TLE6: variants seen among roughly 807,000 people sequenced by gnomAD.
TLE6 encodes transducin-like enhancer protein 6.
In TLE6, 72 loss-of-function variants were observed where a neutral mutation model predicts 77.1. The observed-to-expected ratio is 0.93, with a 90% CI of 0.77 to 1.14. TLE6 has a LOEUF of 1.14. Among genes scored for constraint, TLE6 ranks in the 50% most tolerant of loss-of-function variants. The pLI, the probability that TLE6 is intolerant of heterozygous loss-of-function variation, is 0.00. For missense variants in TLE6, 843 were observed against 747.6 expected, an observed-to-expected ratio of 1.13 and a Z score of -1.49; for synonymous variants, 366 against 287.3, an observed-to-expected ratio of 1.27 and a Z score of -2.77.
At chr19:2,992,880 CAG>C (rs2089109831) in intron 14 of TLE6, among the ~76,000 whole-genome samples, 1 of 145,008 alleles carries the variant, frequency 6.9e-6, no homozygotes, top group African/African-American at 2.6e-5. Flanking sequence ...GCTCCAAACA[CAG>C]AGATCATTAG....
chr19:2,991,805 T>G (rs375768378), intron 13 of TLE6, 38 bp from the exon 14 acceptor site: 7 of 1,609,630 alleles, frequency 4.3e-6, no homozygotes, highest in Non-Finnish European at 5.9e-6. Flanking sequence ...AACCTCAGAG[T>G]CTTGACCTGA....
rs1555687653 is a variant in TLE6, at chr19:2,995,062, C to CG, written c.*58_*59insG. ...CTCTTTTCATCCCCCCCCTTCCCCC[C>CG]CCCCAACAAGGGGGACATGGTGGAG... On this transcript the variant is annotated 3_prime_UTR_variant, in exon 17 of 17. Transcript: ENST00000246112. The CG allele has an allele frequency of 4.9e-6, 5 of 1,029,504 alleles. No homozygotes were observed. The East Asian group carries it at 1.1e-4, about 22-fold the overall frequency. 63.8% of individuals were successfully genotyped at this position (1,029,504 alleles called of 1,614,324 possible). A position where few individuals can be genotyped will look rare whatever the true frequency, so the allele number is the denominator to read the frequency against.
chr19:2,988,931 G>A lies in TLE6; in HGVS notation c.741-130G>A, dbSNP rs1179770586. The A allele has an allele frequency of 3.8e-6, 5 of 1,319,986 alleles. No homozygotes were observed. In the African/African-American group the frequency reaches 4.5e-5, roughly 12 times the overall value. The allele number at this position is 1,319,986 out of a possible 1,614,324, so 81.8% of individuals were successfully genotyped here. A position where few individuals can be genotyped will look rare whatever the true frequency, so the allele number is the denominator to read the frequency against. ...AGCAGGACATTGAGGGGAGTCTAGA[G>A]GGTAAAACAAGGCCTGAGAGAGGGA... On this transcript the variant is annotated intron_variant, in intron 11 of 16. Transcript: ENST00000246112.
At chr19:2,981,829 G>A (rs535406621) in intron 4 of TLE6, among the ~76,000 whole-genome samples, 184 of 151,948 alleles carry the variant, frequency 1.2e-3, no homozygotes, top group Middle Eastern at 3.4e-3. Context: ...AAAATTAGCC[G>A]GGCATGGTGG....
intron 5 of TLE6, among the ~76,000 whole-genome samples, chr19:2,985,048 C>T (rs1243739604): frequency 1.3e-5 from 2 of 151,260 alleles, no homozygotes; most frequent in African/African-American, 2.4e-5. Flanking sequence ...GTCAGGAGTT[C>T]GAGACCAGCC....
intron 13 of TLE6, among the ~76,000 whole-genome samples, chr19:2,991,005 T>TTTAC (rs1295742374): frequency 7.7e-6 from 1 of 129,294 alleles, no homozygotes; most frequent in Non-Finnish European, 1.6e-5. Context: ...AAAAAAAAAT[T>TTTAC]TTACATACAT....
intron 14 of TLE6, among the ~76,000 whole-genome samples, chr19:2,993,213 A>G (rs537059960): frequency 4.2e-4 from 64 of 152,294 alleles, no homozygotes; most frequent in African/African-American, 1.5e-3. Context: ...TCCGTCTCAA[A>G]ATAAACACTC....
At chr19:2,984,769 A>T (rs1039756974) in intron 5 of TLE6, among the ~76,000 whole-genome samples, 1 of 151,822 alleles carries the variant, frequency 6.6e-6, no homozygotes, top group Non-Finnish European at 1.5e-5. Flanking sequence ...CACCTGGCCA[A>T]TTTCTTTATA....
chr19:2,989,251 G>A lies in TLE6; in HGVS notation c.931G>A (p.Val311Met), dbSNP rs866691522. The change falls in exon 12 of 17, where the codon GTG becomes ATG. Residue 311 changes from valine to methionine, a missense_variant. Transcript: ENST00000246112. ...VFTCGRRGIK[V>M]WSLTGQVAED... ...CACCTGTGGCAGAAGAGGCATCAAG[G>A]TGTGGAGCCTGACTGGACAGGTGGC... 8 of 1,613,828 alleles carry A rather than the reference G, an allele frequency of 5.0e-6. No homozygotes were observed. In the Admixed American group the frequency reaches 5.0e-5, roughly 10 times the overall value.
chr19:2,982,535 C>CAA (rs1200316710), intron 5 of TLE6, among the ~76,000 whole-genome samples: 109 of 41,656 alleles, frequency 2.6e-3, no homozygotes, highest in Non-Finnish European at 3.0e-3. Flanking sequence ...GACTCTGTCT[C>CAA]AAAAAAAAAA....
Position 2,987,338 on chromosome 19 carries a change from C to T in TLE6, c.542-18C>T. 1 of 1,614,156 alleles carries T rather than the reference C, an allele frequency of 6.2e-7. No homozygotes were observed. The highest frequency in any genetic ancestry group is 8.5e-7 in the Non-Finnish European group (1 of 1,180,026). On this transcript the variant is annotated intron_variant, in intron 7 of 16. Coordinates refer to ENST00000246112, the MANE Select transcript of TLE6 (RefSeq NM_001143986.2). ...GTTCTCTCTGTCCCCCTCCTCCTCT[C>T]CGTTGTCATGGTGACAGAGCAGGCA...
At chr19:2,991,395 T>TATATATATACACAC (rs1555686268) in intron 13 of TLE6, among the ~76,000 whole-genome samples, 13 of 114,122 alleles carry the variant, frequency 1.1e-4, no homozygotes, top group Admixed American at 3.0e-4. Context: ...TATATATATA[T>TATATATATACACAC]ACACACACAC....
At chr19:2,980,738 TAAAAA>T (rs751491532) in intron 3 of TLE6, among the ~76,000 whole-genome samples, 3 of 106,336 alleles carry the variant, frequency 2.8e-5, no homozygotes, top group South Asian at 3.0e-4. Flanking sequence ...ACTCGGTCTT[TAAAAA>T]AAAAAAAAAA....
rs1328822349 is a variant in TLE6, at chr19:2,986,870, C to G, written c.264C>G (p.Leu88=). 2 of 1,551,728 alleles carry G rather than the reference C, an allele frequency of 1.3e-6. No individual in the cohort carries two copies. The highest frequency in any genetic ancestry group is 1.7e-6 in the Non-Finnish European group (2 of 1,147,014). ...VLQIVESCSQ[L]QGFQSEEVSP... ...AGATTGTGGAGAGCTGCAGCCAACTCCAGGGTTTCCAGTCTGAGGAGGTGA... is the reference window on the plus strand; with the variant it reads ...AGATTGTGGAGAGCTGCAGCCAACTGCAGGGTTTCCAGTCTGAGGAGGTGA... The change falls in exon 6 of 17, where the codon CTC becomes CTG. Residue 88 remains leucine, a synonymous_variant. Transcript: ENST00000246112.
chr19:2,992,793 A>AGGG (rs1555686685), intron 14 of TLE6, among the ~76,000 whole-genome samples: 1 of 19,758 alleles, frequency 5.1e-5, no homozygotes, highest in Non-Finnish European at 8.1e-5. Flanking sequence ...AAAAAAAAAA[A>AGGG]GGGGGGGAGG....
chr19:2,982,322 G>C (rs1188374877), intron 5 of TLE6, 133 bp downstream of exon 5: 4 of 938,192 alleles, frequency 4.3e-6, no homozygotes, highest in Non-Finnish European at 6.6e-6. Flanking sequence ...TGGATCACTT[G>C]AGGTCAGGAG....
At chr19:2,994,150 G>A in intron 16 of TLE6, 55 bp downstream of exon 16, 1 of 1,456,582 alleles carries the variant, frequency 6.9e-7, no homozygotes, top group Non-Finnish European at 9.4e-7. Flanking sequence ...GGACCAGCCT[G>A]GGCAACACAG....
At chr19:2,979,050 CAAGT>C (rs1258324634) in intron 2 of TLE6, among the ~76,000 whole-genome samples, 2 of 152,134 alleles carry the variant, frequency 1.3e-5, no homozygotes, top group African/African-American at 4.8e-5. Flanking sequence ...CTCCCGGGTT[CAAGT>C]GATTCTCCTG....
chr19:2,981,025 C>T (rs962706065), intron 3 of TLE6, among the ~76,000 whole-genome samples: 2 of 150,752 alleles, frequency 1.3e-5, no homozygotes, highest in African/African-American at 2.5e-5. Flanking sequence ...CACCCTAGCC[C>T]GGGCAACAGG....
Sources: allele counts gnomAD v4.1 joint callset (sites outside exome capture counted in the v4.1 genomes callset), GRCh38; gene constraint gnomAD v4.1.1; transcripts MANE v1.5; gene names NCBI Gene and HGNC (gene_info 2026-07-23, HGNC 2026-07-21).